Variants in NCKAP1 observed in about 807,000 individuals in gnomAD.
NCKAP1 encodes the protein nck-associated protein 1.
In NCKAP1, 21 loss-of-function variants were observed where a neutral mutation model predicts 151.2. The observed-to-expected ratio is 0.14, with a 90% CI of 0.10 to 0.20. NCKAP1 has a LOEUF of 0.20. Among genes scored for constraint, NCKAP1 ranks in the 10% least tolerant of loss-of-function variants. NCKAP1 has a pLI of 1.00. For synonymous variants in NCKAP1, 484 were observed against 451.8 expected (o/e 1.07, Z -0.90); for missense variants, 933 against 1,352.1 (o/e 0.69, Z 4.86).
chr2:182,983,922 T>C (rs1697994125), intron 10 of NCKAP1, among the ~76,000 whole-genome samples: 1 of 151,814 alleles, frequency 6.6e-6, no homozygotes, highest in Non-Finnish European at 1.5e-5. Context: ...TCCCAGCTAC[T>C]TGGGAGGCTG....
intron 2 of NCKAP1, among the ~76,000 whole-genome samples, chr2:183,005,471 TGACAGAGCCAAGA>T: frequency 6.6e-6 from 1 of 152,166 alleles, no homozygotes; most frequent in East Asian, 1.9e-4. Context: ...AACTACTTAA[TGACAGAGCCAAGA>T]TTGGAAATCT....
At chr2:182,932,879 T>C (rs982873988) in intron 26 of NCKAP1, among the ~76,000 whole-genome samples, 11 of 152,162 alleles carry the variant, frequency 7.2e-5, no homozygotes, top group Non-Finnish European at 1.2e-4. Flanking sequence ...TATTTGTACA[T>C]AGTTTTCAAT....
chr2:182,986,703 A>G (rs1575048917), intron 9 of NCKAP1, among the ~76,000 whole-genome samples: 3 of 152,316 alleles, frequency 2.0e-5, no homozygotes, highest in African/African-American at 7.2e-5. Flanking sequence ...TGTGAAGGAG[A>G]AAACTGAGGC....
intron 2 of NCKAP1, among the ~76,000 whole-genome samples, chr2:183,005,385 G>A (rs1296813893): frequency 6.6e-6 from 1 of 151,972 alleles, no homozygotes; most frequent in East Asian, 1.9e-4. Context: ...GCCTTAAATG[G>A]TCTTAAATAC....
chr2:182,956,360 T>A, intron 20 of NCKAP1, 102 bp downstream of exon 20: 1 of 1,425,554 alleles, frequency 7.0e-7, no homozygotes, highest in Non-Finnish European at 9.6e-7. Context: ...TTCTTAACAC[T>A]AATCCAGTTC....
chr2:183,014,788 A>ATT (rs2105887004), intron 2 of NCKAP1, among the ~76,000 whole-genome samples: 1 of 152,366 alleles, frequency 6.6e-6, no homozygotes, highest in Admixed American at 6.5e-5. Flanking sequence ...AAGGTACTTA[A>ATT]AAGGTACAAG....
At chr2:183,035,960 T>C (rs1254101682) in intron 1 of NCKAP1, among the ~76,000 whole-genome samples, 1 of 152,162 alleles carries the variant, frequency 6.6e-6, no homozygotes, top group East Asian at 1.9e-4. Flanking sequence ...TCAAGCAAGG[T>C]AAGCAATGTA....
In NCKAP1 at chr2:182,981,228, A is replaced by G. The variant is rs775682563; in HGVS notation, c.1341+16T>C. ...AAGGAAGGAACAAAAGGGAAATAGT[A>G]TGAGATAGTTTTTACCTGCACGAGT... On this transcript the variant is annotated intron_variant, in intron 13 of 30. Transcript: ENST00000361354. 1 of 1,610,874 alleles carries G rather than the reference A, an allele frequency of 6.2e-7. No homozygotes were observed. The highest frequency in any genetic ancestry group is 1.1e-5 in the South Asian group (1 of 90,126).
intron 10 of NCKAP1, among the ~76,000 whole-genome samples, chr2:182,984,745 T>G (rs973022307): frequency 1.3e-5 from 2 of 152,114 alleles, no homozygotes; most frequent in African/African-American, 2.4e-5. Flanking sequence ...AAGAAGAAAA[T>G]GAACAAATGT....
intron 3 of NCKAP1, 77 bp downstream of exon 3, chr2:183,003,156 G>C: frequency 1.6e-6 from 2 of 1,232,540 alleles, no homozygotes; most frequent in African/African-American, 1.5e-5. Flanking sequence ...ATTTACAACT[G>C]ACACAGCAAT....
chr2:183,026,695 A>G (rs1369635343), intron 1 of NCKAP1, among the ~76,000 whole-genome samples: 1 of 152,126 alleles, frequency 6.6e-6, no homozygotes, highest in African/African-American at 2.4e-5. Context: ...GGGACCTGGA[A>G]TATATTACAA....
rs191153388 is a variant in NCKAP1 at position 182,976,229 on chromosome 2, C to G, written c.1482+664G>C. On this transcript the variant is annotated intron_variant, in intron 15 of 30. Transcript: ENST00000361354. ...TTTATCATTAAGGTTACAGTATACACCAAGGTGTTAGGCTTGCATTCTTAA... is the reference window on the plus strand; with the variant it reads ...TTTATCATTAAGGTTACAGTATACAGCAAGGTGTTAGGCTTGCATTCTTAA... Among the ~76,000 whole-genome samples, 138 of 152,252 alleles carry G rather than the reference C, an allele frequency of 9.1e-4. 1 individual carries two copies. The highest frequency in any genetic ancestry group is 1.0e-4 in the Non-Finnish European group (7 of 68,018).
chr2:182,919,111 T>A lies in NCKAP1; in HGVS notation c.*6591A>T, dbSNP rs1170820868. ...GGTTTGAATTAGAGAAAACAGAGTATCTGGTACACAATGGGCTTTCAATAA... is the reference window on the plus strand; with the variant it reads ...GGTTTGAATTAGAGAAAACAGAGTAACTGGTACACAATGGGCTTTCAATAA... On this transcript the variant is annotated 3_prime_UTR_variant, in exon 31 of 31. Transcript: ENST00000361354. 6.6e-6 allele frequency: 1 copy of A among 152,196 alleles called. No homozygotes were observed. The highest frequency in any genetic ancestry group is 2.4e-5 in the African/African-American group (1 of 41,446). The allele number at this position is 152,196 out of a possible 1,614,324, so 9.4% of individuals were successfully genotyped here. A position where few individuals can be genotyped will look rare whatever the true frequency, so the allele number is the denominator to read the frequency against.
intron 1 of NCKAP1, among the ~76,000 whole-genome samples, chr2:183,024,141 AG>A (rs1455184822): frequency 6.6e-6 from 1 of 152,130 alleles, no homozygotes; most frequent in Non-Finnish European, 1.5e-5. Flanking sequence ...CGAAGCAGTT[AG>A]CGCAGAACAG....
In NCKAP1 at chr2:182,981,232, G is replaced by A; in HGVS notation, c.1341+12C>T. 1 of 1,611,026 alleles carries A rather than the reference G, an allele frequency of 6.2e-7. No homozygotes were observed. Among genetic ancestry groups the A allele is most frequent in the Non-Finnish European group, 8.5e-7 (1 of 1,178,626 alleles). ...AAGGAACAAAAGGGAAATAGTATGA[G>A]ATAGTTTTTACCTGCACGAGTTCAT... is the stretch of plus-strand genomic sequence containing the variant. On this transcript the variant is annotated intron_variant, in intron 13 of 30. Transcript: ENST00000361354.
chr2:182,932,663 T>C (rs2105801935), intron 26 of NCKAP1, among the ~76,000 whole-genome samples: 1 of 151,980 alleles, frequency 6.6e-6, no homozygotes, highest in South Asian at 2.1e-4. Context: ...TGTTTTTTGT[T>C]GTTTTTTTTT....
At chr2:182,967,811 T>C (rs1226884566) in intron 15 of NCKAP1, among the ~76,000 whole-genome samples, 1 of 152,194 alleles carries the variant, frequency 6.6e-6, no homozygotes, top group Non-Finnish European at 1.5e-5. Context: ...ATACACTGTA[T>C]TAATTTGACA....
Position 182,952,399 on chromosome 2 carries a change from T to C in NCKAP1, c.2601+6A>G. ...TAAAAGCTAAAATTAATAAAGACTA[T>C]ATTACCTTAAGTTCAGCAACTTGTG... On this transcript the variant is annotated splice_donor_region_variant and intron_variant, in intron 23 of 30. Coordinates refer to ENST00000361354, the MANE Select transcript of NCKAP1 (RefSeq NM_013436.5). The C allele has an allele frequency of 1.3e-6, 2 of 1,571,840 alleles. No homozygotes were observed. Among genetic ancestry groups the C allele is most frequent in the Non-Finnish European group, 1.7e-6 (2 of 1,152,300 alleles).
intron 4 of NCKAP1, among the ~76,000 whole-genome samples, chr2:183,002,509 A>G (rs755868727): frequency 5.3e-5 from 8 of 152,114 alleles, no homozygotes; most frequent in Non-Finnish European, 1.2e-4. Flanking sequence ...CTATATTCAA[A>G]CTGGTAACAG....
Sources: gnomAD v4.1 joint callset for allele counts (sites outside exome capture counted in the v4.1 genomes callset) on GRCh38, gnomAD v4.1.1 for gene constraint, MANE v1.5 for transcripts, NCBI Gene and HGNC (gene_info 2026-07-23, HGNC 2026-07-21) for gene names.